ALX4: variants seen among roughly 807,000 people sequenced by gnomAD.
ALX4 encodes ALX homeobox 4, also known as homeobox protein aristaless-like 4.
In ALX4, 22 loss-of-function variants were observed where a neutral mutation model predicts 40.6. The ratio of observed to expected loss-of-function variants is 0.54; its 90% CI spans 0.39 to 0.77. ALX4 has a LOEUF of 0.77. Ranked by LOEUF, ALX4 falls within the 30% of genes least tolerant of loss-of-function variation. The pLI is 0.00. For synonymous variants in ALX4, 266 were observed against 240.5 expected (o/e 1.11, Z -0.98); for missense variants, 556 against 564.8 (o/e 0.98, Z 0.16).
At chr11:44,267,014 CTGAGGCTCAGAGATT>C (rs1956217215) in intron 3 of ALX4, among the ~76,000 whole-genome samples, 1 of 152,208 alleles carries the variant, frequency 6.6e-6, no homozygotes, top group Non-Finnish European at 1.5e-5. Flanking sequence ...GGTGAAGAAA[CTGAGGCTCAGAGATT>C]TGAGACTTGC....
chr11:44,304,217 T>C (rs1233446154), intron 1 of ALX4, among the ~76,000 whole-genome samples: 2 of 152,226 alleles, frequency 1.3e-5, no homozygotes, highest in Admixed American at 1.3e-4. Flanking sequence ...CCTGTGCTGA[T>C]GGCCGGAGAA....
At chr11:44,272,541 C>T (rs1956254598) in intron 2 of ALX4, among the ~76,000 whole-genome samples, 1 of 150,302 alleles carries the variant, frequency 6.7e-6, no homozygotes, top group African/African-American at 2.5e-5. Flanking sequence ...CATGGTGGCT[C>T]ACGCCTGTAA....
chr11:44,308,932 G>A (rs1263798410), intron 1 of ALX4, among the ~76,000 whole-genome samples: 1 of 152,224 alleles, frequency 6.6e-6, no homozygotes, highest in African/African-American at 2.4e-5. Flanking sequence ...AGCGCTCAGG[G>A]TCCCAGGACT....
Position 44,298,908 on chromosome 11 carries a change from A to G in ALX4, c.466+10689T>C, listed in dbSNP as rs542599993. Among the ~76,000 whole-genome samples, 65 of 152,316 alleles carry G rather than the reference A, an allele frequency of 4.3e-4. 1 individual carries two copies. The highest frequency in any genetic ancestry group is 1.5e-3 in the African/African-American group (61 of 41,572). On this transcript the variant is annotated intron_variant, in intron 1 of 3. Transcript: ENST00000652299. ...GAACGAAGAGAGAGTGGAAAGACTT[A>G]CAGAGTTCCTAGCATGTTCCCCTCC...
At chr11:44,296,117 T>G (rs574881371) in intron 1 of ALX4, among the ~76,000 whole-genome samples, 1 of 152,208 alleles carries the variant, frequency 6.6e-6, no homozygotes, top group Non-Finnish European at 1.5e-5. Flanking sequence ...AGGGGCCAGA[T>G]AGACAAATGC....
intron 1 of ALX4, among the ~76,000 whole-genome samples, chr11:44,294,097 C>T (rs1282029546): frequency 2.0e-5 from 3 of 152,180 alleles, no homozygotes; most frequent in Admixed American, 6.5e-5. Flanking sequence ...GGGCATGAGC[C>T]CCCTGGGCAG....
chr11:44,286,035 GCTCTGC>G (rs1956336731), intron 1 of ALX4, among the ~76,000 whole-genome samples: 2 of 152,254 alleles, frequency 1.3e-5, no homozygotes, highest in Non-Finnish European at 2.9e-5. Context: ...GGCTGGGGCA[GCTCTGC>G]AGGCACAGCT....
intron 1 of ALX4, among the ~76,000 whole-genome samples, chr11:44,294,808 A>G (rs1956393331): frequency 6.6e-6 from 1 of 150,712 alleles, no homozygotes. Context: ...ATGCTCCAGG[A>G]ACTGTTCTAA....
At chr11:44,280,708 G>C (rs1956304843) in intron 1 of ALX4, among the ~76,000 whole-genome samples, 1 of 152,264 alleles carries the variant, frequency 6.6e-6, no homozygotes, top group Non-Finnish European at 1.5e-5. Context: ...AGCAATGCCT[G>C]CTCCACGGAG....
chr11:44,273,938 G>C (rs1362931025), intron 2 of ALX4, among the ~76,000 whole-genome samples: 2 of 152,068 alleles, frequency 1.3e-5, no homozygotes, highest in Non-Finnish European at 2.9e-5. Context: ...GGGTGACAGA[G>C]AGAGACCCAG....
chr11:44,283,368 C>A (rs1227785425), intron 1 of ALX4, among the ~76,000 whole-genome samples: 2 of 151,990 alleles, frequency 1.3e-5, no homozygotes, highest in Non-Finnish European at 2.9e-5. Context: ...AGTTTATATG[C>A]CTTCACCCAG....
chr11:44,279,807 C>T (rs1044759406), intron 1 of ALX4, among the ~76,000 whole-genome samples: 2 of 152,220 alleles, frequency 1.3e-5, no homozygotes, highest in African/African-American at 4.8e-5. Context: ...TCCAGCTCCT[C>T]CTATAGAATG....
intron 1 of ALX4, among the ~76,000 whole-genome samples, chr11:44,303,337 C>T (rs1025988336): frequency 3.9e-5 from 6 of 152,198 alleles, no homozygotes; most frequent in Admixed American, 3.9e-4. Flanking sequence ...GGCGCCAGTG[C>T]CCAGCAGCCT....
intron 1 of ALX4, among the ~76,000 whole-genome samples, chr11:44,305,868 G>A (rs1036706939): frequency 6.6e-6 from 1 of 152,254 alleles, no homozygotes; most frequent in African/African-American, 2.4e-5. Context: ...AGGGAGAAGA[G>A]GGGCAGCTTC....
chr11:44,279,612 T>C (rs181648064), intron 1 of ALX4, among the ~76,000 whole-genome samples: 5 of 152,334 alleles, frequency 3.3e-5, no homozygotes, highest in Admixed American at 3.3e-4. Context: ...AGGAAACCAC[T>C]GACCTTGGTC....
intron 1 of ALX4, among the ~76,000 whole-genome samples, chr11:44,298,271 C>T (rs1956414934): frequency 6.6e-6 from 1 of 152,192 alleles, no homozygotes; most frequent in Non-Finnish European, 1.5e-5. Context: ...TTCAAGTGCC[C>T]TCAGATTGCA....
intron 1 of ALX4, among the ~76,000 whole-genome samples, chr11:44,302,311 C>T (rs897951149): frequency 2.6e-5 from 4 of 152,132 alleles, no homozygotes; most frequent in South Asian, 2.1e-4. Flanking sequence ...GATAGCAGGA[C>T]GTGGACCCAG....
intron 1 of ALX4, among the ~76,000 whole-genome samples, 199 bp downstream of exon 1, chr11:44,309,398 G>T (rs1054906603): frequency 1.3e-5 from 2 of 152,234 alleles, no homozygotes; most frequent in Admixed American, 1.3e-4. Flanking sequence ...GAAACGCTCC[G>T]TGCCTAGGCC....
chr11:44,294,724 G>A (rs1235890546), intron 1 of ALX4, among the ~76,000 whole-genome samples: 3 of 152,190 alleles, frequency 2.0e-5, no homozygotes, highest in East Asian at 3.9e-4. Flanking sequence ...CAAGGTTTCC[G>A]GCCAGTCTGA....
Sources: gnomAD v4.1 joint callset for allele counts (sites outside exome capture counted in the v4.1 genomes callset) on GRCh38, gnomAD v4.1.1 for gene constraint, MANE v1.5 for transcripts, NCBI Gene and HGNC (gene_info 2026-07-23, HGNC 2026-07-21) for gene names.